Variants in ZFHX3 observed in about 807,000 individuals in gnomAD.
The protein encoded by ZFHX3 is zinc finger homeobox protein 3.
ZFHX3 carries 42 observed loss-of-function variants against 279.1 expected under a neutral mutation model. The ratio of observed to expected loss-of-function variants is 0.15; its 90% CI spans 0.12 to 0.19. The LOEUF (loss-of-function observed/expected upper bound fraction) is 0.19. Ranked by LOEUF, ZFHX3 falls within the 10% of genes least tolerant of loss-of-function variation. The probability of loss-of-function intolerance (pLI) is 1.00; values close to 1 mark genes in which losing one functional copy is unlikely to be tolerated. For missense variants in ZFHX3, 4,981 were observed against 4,754.0 expected (o/e 1.05, Z -1.40); for synonymous variants, 2,293 against 1,957.8 (o/e 1.17, Z -4.52).
In ZFHX3 at chr16:73,812,090, A is replaced by T. The variant is rs1960444936; in HGVS notation, c.-1608+79561T>A. On this transcript the variant is annotated intron_variant, in intron 1 of 17. Coordinates refer to the ZFHX3 transcript ENST00000641206. ...CTAGAATTCAAACCCAAACAGGCTG[A>T]TTCTGAGGCTTATGGTGGTCTTTAC... Among the ~76,000 whole-genome samples, 4 of 152,182 alleles carry T rather than the reference A, an allele frequency of 2.6e-5. No individual in the cohort carries two copies. In the South Asian group the frequency reaches 8.3e-4, roughly 32 times the overall value.
chr16:73,508,777 T>C (rs556881716), intron 2 of ZFHX3, among the ~76,000 whole-genome samples: 3 of 152,362 alleles, frequency 2.0e-5, no homozygotes, highest in Admixed American at 6.5e-5. Context: ...TAGTGAGACA[T>C]AGGCCTTAAA....
chr16:73,707,899 G>A (rs1306448529), intron 1 of ZFHX3, among the ~76,000 whole-genome samples: 3 of 152,100 alleles, frequency 2.0e-5, no homozygotes, highest in African/African-American at 4.8e-5. Flanking sequence ...GGAACTGAGA[G>A]CTTGAAGAGG....
chr16:72,876,046 C>T (rs2038302544), intron 4 of ZFHX3, among the ~76,000 whole-genome samples: 1 of 152,216 alleles, frequency 6.6e-6, no homozygotes, highest in African/African-American at 2.4e-5. Context: ...CCTGGTTACT[C>T]AGTTTCACCA....
intron 3 of ZFHX3, among the ~76,000 whole-genome samples, chr16:72,930,502 G>A (rs117289604): frequency 2.0e-5 from 3 of 152,038 alleles, no homozygotes; most frequent in African/African-American, 7.2e-5. Context: ...AAAGTATCTC[G>A]AGGCCCAAAG....
chr16:73,443,678 C>G (rs1461880609), intron 3 of ZFHX3, among the ~76,000 whole-genome samples: 2 of 152,194 alleles, frequency 1.3e-5, no homozygotes, highest in Non-Finnish European at 1.5e-5. Context: ...CTTTCTCTCT[C>G]TATGGATATG....
intron 8 of ZFHX3, chr16:73,092,623 G>T (rs1966098793): frequency 4.0e-6 from 1 of 251,964 alleles, no homozygotes; most frequent in Admixed American, 5.1e-5. Context: ...CGCCTTCATA[G>T]AATCAAGCCG....
At chr16:72,924,315 C>T (rs1046532187) in intron 3 of ZFHX3, among the ~76,000 whole-genome samples, 6 of 152,182 alleles carry the variant, frequency 3.9e-5, no homozygotes, top group Non-Finnish European at 7.3e-5. Context: ...GCAGGCCCTT[C>T]CTAGGAATAG....
chr16:73,458,012 A>G (rs2018403656), intron 2 of ZFHX3, among the ~76,000 whole-genome samples: 1 of 152,150 alleles, frequency 6.6e-6, no homozygotes, highest in Admixed American at 6.5e-5. Context: ...TGCTGGCTTC[A>G]CAGGAAGGCA....
At chr16:72,889,620 G>C in intron 4 of ZFHX3, 111 bp downstream of exon 4, 1 of 1,024,710 alleles carries the variant, frequency 9.8e-7, no homozygotes, top group African/African-American at 1.6e-5. Context: ...TAAGGAACAT[G>C]AGGACCAGCT....
intron 7 of ZFHX3, among the ~76,000 whole-genome samples, chr16:72,806,361 G>A (rs138058790): frequency 1.3e-4 from 20 of 152,266 alleles, no homozygotes; most frequent in East Asian, 3.9e-4. Context: ...AGTTATACAC[G>A]TGTGCGCAGA....
chr16:73,461,911 C>T (rs2018478010), intron 2 of ZFHX3, among the ~76,000 whole-genome samples: 1 of 152,146 alleles, frequency 6.6e-6, no homozygotes, highest in African/African-American at 2.4e-5. Context: ...CAAAAACTTG[C>T]TGGAATTCGG....
intron 2 of ZFHX3, among the ~76,000 whole-genome samples, chr16:73,570,505 A>C (rs193222522): frequency 1.3e-5 from 2 of 152,348 alleles, no homozygotes; most frequent in Admixed American, 1.3e-4. Context: ...AATGAATGGC[A>C]TTAATAAATC....
intron 3 of ZFHX3, among the ~76,000 whole-genome samples, chr16:73,424,501 T>G (rs2017774820): frequency 6.6e-6 from 1 of 152,038 alleles, no homozygotes; most frequent in African/African-American, 2.4e-5. Context: ...TCACAGTACT[T>G]CGGGAGGCCC....
At position 72,958,544 on chromosome 16, in the gene ZFHX3, G is replaced by C. The variant is rs62640008; in HGVS notation, c.1602C>G (p.Pro534=). Residue 534 remains proline (P), a synonymous_variant, in exon 2 of 10, where the codon CCC becomes CCG. Transcript: ENST00000268489. ...ALSNQSISNS[P]LMPNVLQTLS... ...GGGTCTGGAGCACGTTAGGCATTAA[G>C]GGGGAGTTAGAAATGCTTTGGTTTG... 32 of 1,613,946 alleles carry C rather than the reference G, an allele frequency of 2.0e-5. No individual in the cohort carries two copies. The highest frequency in any genetic ancestry group is 2.7e-5 in the Non-Finnish European group (32 of 1,180,032).
At chr16:73,019,389 C>T (rs1964221568) in intron 1 of ZFHX3, among the ~76,000 whole-genome samples, 1 of 151,578 alleles carries the variant, frequency 6.6e-6, no homozygotes, top group Admixed American at 6.6e-5. Context: ...TGCGTGTCTG[C>T]ACGCGCACCT....
At chr16:72,922,143 C>T (rs2039601913) in intron 3 of ZFHX3, among the ~76,000 whole-genome samples, 1 of 152,222 alleles carries the variant, frequency 6.6e-6, no homozygotes, top group African/African-American at 2.4e-5. Flanking sequence ...GGCACCAGAA[C>T]CAGAAATCCC....
At chr16:73,286,076 G>A (rs1297984571) in intron 4 of ZFHX3, among the ~76,000 whole-genome samples, 1 of 152,090 alleles carries the variant, frequency 6.6e-6, no homozygotes, top group Non-Finnish European at 1.5e-5. Context: ...ACACATTTCT[G>A]GAAGGGACTT....
At chr16:73,780,101 C>T (rs547470882) in intron 1 of ZFHX3, among the ~76,000 whole-genome samples, 1 of 124,270 alleles carries the variant, frequency 8.0e-6, no homozygotes, top group East Asian at 2.6e-4. Context: ...GCAAAACTCA[C>T]TGCATTTGAA....
At chr16:73,390,924 G>A (rs1245099134) in intron 3 of ZFHX3, among the ~76,000 whole-genome samples, 1 of 151,416 alleles carries the variant, frequency 6.6e-6, no homozygotes, top group African/African-American at 2.4e-5. Context: ...CCAATTTAAC[G>A]CCATCATTAT....
Sources: allele counts gnomAD v4.1 joint callset (sites outside exome capture counted in the v4.1 genomes callset), GRCh38; gene constraint gnomAD v4.1.1; transcripts MANE v1.5; gene names NCBI Gene and HGNC (gene_info 2026-07-23, HGNC 2026-07-21).